ITGA11: variants seen among roughly 807,000 people sequenced by gnomAD.
ITGA11 encodes integrin alpha-11.
A neutral mutation model predicts 141.9 loss-of-function variants in ITGA11; 97 were observed. The ratio of observed to expected loss-of-function variants is 0.68; its 90% confidence interval spans 0.58 to 0.81. ITGA11 has a LOEUF of 0.81. Among genes scored for constraint, ITGA11 ranks in the 30% least tolerant of loss-of-function variants. The pLI is 0.00. For synonymous variants in ITGA11, 658 were observed against 624.6 expected, an observed-to-expected ratio of 1.05 and a Z score of -0.80; for missense variants, 1,387 against 1,559.2, an observed-to-expected ratio of 0.89 and a Z score of 1.86.
At chr15:68,344,757 A>G (rs1358300367) in intron 10 of ITGA11, among the ~76,000 whole-genome samples, 1 of 152,130 alleles carries the variant, frequency 6.6e-6, no homozygotes, top group Non-Finnish European at 1.5e-5. Context: ...TTAGGTCATC[A>G]CGTGCAGGGT....
chr15:68,399,580 G>A (rs1476496254), intron 2 of ITGA11, among the ~76,000 whole-genome samples: 1 of 152,038 alleles, frequency 6.6e-6, no homozygotes, highest in Non-Finnish European at 1.5e-5. Context: ...ATGGTGGATT[G>A]GATAAAGAAA....
At chr15:68,329,086 C>T (rs1894074618) in intron 15 of ITGA11, among the ~76,000 whole-genome samples, 1 of 152,198 alleles carries the variant, frequency 6.6e-6, no homozygotes, top group Non-Finnish European at 1.5e-5. Context: ...CTCTGTTCTT[C>T]TTAGCATAAA....
At position 68,300,435 on chromosome 15, in the gene ITGA11, T is replaced by C. The variant is rs1407468446; in HGVS notation, c.*2624A>G. The C allele has an allele frequency of 6.6e-6, 1 of 152,254 alleles. No individual in the cohort carries two copies. Among genetic ancestry groups the C allele is most frequent in the African/African-American group, 2.4e-5 (1 of 41,464 alleles). The allele number at this position is 152,254 out of a possible 1,614,324, so 9.4% of individuals were successfully genotyped here. A position where few individuals can be genotyped will look rare whatever the true frequency, so the allele number is the denominator to read the frequency against. ...CAATGAAATTGGGATCCATAGTGGG[T>C]AGGGCCCTTGCAGTGGTCACTTTTA... is the stretch of plus-strand genomic sequence containing the variant. On this transcript the variant is annotated 3_prime_UTR_variant, in exon 30 of 30. Transcript: ENST00000315757.
rs1893890894 is a variant in ITGA11, at chr15:68,324,024, T to C, written c.2322+1107A>G. On this transcript the variant is annotated intron_variant, in intron 18 of 29. Transcript: ENST00000315757. This position sits in a 1 kb window ranked among gnomAD's most constrained non-coding sequence, Gnocchi z 6.3. ...TACTCATTCATTTGCCATAGTGACT[T>C]TGTAATTACTGCGAGAGGACAAAAA... Among the ~76,000 whole-genome samples the C allele has an allele frequency of 6.6e-6, 1 of 152,198 alleles. No individual in the cohort carries two copies. The highest frequency in any genetic ancestry group is 1.5e-5 in the Non-Finnish European group (1 of 68,032).
chr15:68,381,608 T>C (rs1895863307), intron 2 of ITGA11, among the ~76,000 whole-genome samples: 1 of 151,812 alleles, frequency 6.6e-6, no homozygotes, highest in Non-Finnish European at 1.5e-5. Context: ...CAGGCTGAAG[T>C]GCAGTGGCAT....
chr15:68,362,024 C>G (rs187757425), intron 4 of ITGA11: 49 of 266,636 alleles, frequency 1.8e-4, no homozygotes, highest in Middle Eastern at 2.7e-3. Flanking sequence ...ACCCACCCAC[C>G]ATACGGGATC....
At chr15:68,388,272 T>C (rs1007617) in intron 2 of ITGA11, among the ~76,000 whole-genome samples, 15,995 of 152,192 alleles carry the variant, frequency 0.11, 1,952 homozygotes, top group African/African-American at 0.3. Context: ...ATCTCAAGCA[T>C]GCTCCTACTT....
intron 7 of ITGA11, 66 bp downstream of exon 7, chr15:68,357,085 G>T: frequency 1.4e-6 from 2 of 1,435,382 alleles, no homozygotes; most frequent in Non-Finnish European, 1.9e-6. Context: ...TGTGTTACAA[G>T]GCAATAGATA....
At chr15:68,418,823 G>T (rs1896951003) in intron 1 of ITGA11, among the ~76,000 whole-genome samples, 1 of 151,538 alleles carries the variant, frequency 6.6e-6, no homozygotes, top group Non-Finnish European at 1.5e-5. Flanking sequence ...CTTGTCTCCT[G>T]CTTGTCATGG....
At chr15:68,428,087 A>AC (rs1897186902) in intron 1 of ITGA11, among the ~76,000 whole-genome samples, 1 of 152,010 alleles carries the variant, frequency 6.6e-6, no homozygotes, top group African/African-American at 2.4e-5. Flanking sequence ...TTCGACTTTG[A>AC]CCCCCAAAGT....
chr15:68,344,157 C>T (rs1894662784), intron 10 of ITGA11, among the ~76,000 whole-genome samples: 2 of 152,124 alleles, frequency 1.3e-5, no homozygotes, highest in South Asian at 2.1e-4. Flanking sequence ...GGAGACAACT[C>T]GCAAACCCTT....
At chr15:68,410,513 A>G (rs1217911884) in intron 1 of ITGA11, among the ~76,000 whole-genome samples, 1 of 151,916 alleles carries the variant, frequency 6.6e-6, no homozygotes, top group East Asian at 1.9e-4. Flanking sequence ...GGCAAAGTGA[A>G]CCTCTTGCTG....
chr15:68,384,663 T>G (rs1351644708), intron 2 of ITGA11, among the ~76,000 whole-genome samples: 1 of 152,124 alleles, frequency 6.6e-6, no homozygotes, highest in Admixed American at 6.5e-5. Context: ...TCTCGTGCAC[T>G]GGGTGGTTCA....
intron 2 of ITGA11, among the ~76,000 whole-genome samples, chr15:68,381,719 C>T (rs1386269937): frequency 6.6e-6 from 1 of 152,176 alleles, no homozygotes; most frequent in African/African-American, 2.4e-5. Flanking sequence ...CCATGCCCAA[C>T]TAAATTTTGT....
rs535132332 is a variant in ITGA11 at position 68,308,513 on chromosome 15, A to G, written c.3175-817T>C. On this transcript the variant is annotated intron_variant, in intron 26 of 29. Transcript: ENST00000315757. This position sits in a 1 kb window ranked among gnomAD's most constrained non-coding sequence, Gnocchi z 5.2. ...TCTCAGCACTTTGGGAGGCCAAGGC[A>G]GGCGGATCACAAGGTCAGGAGATCG... is the stretch of plus-strand genomic sequence containing the variant. Among the ~76,000 whole-genome samples, 5 of 152,252 alleles carry G rather than the reference A, an allele frequency of 3.3e-5. No homozygotes were observed. Among genetic ancestry groups the G allele is most frequent in the South Asian group, 2.1e-4 (1 of 4,822 alleles).
At chr15:68,364,026 G>A (rs923849710) in intron 4 of ITGA11, among the ~76,000 whole-genome samples, 2 of 152,192 alleles carry the variant, frequency 1.3e-5, no homozygotes, top group Non-Finnish European at 2.9e-5. Flanking sequence ...GCCCAGCACT[G>A]GGCTTAGCAC....
chr15:68,430,070 G>A (rs1897234750), intron 1 of ITGA11, among the ~76,000 whole-genome samples: 1 of 152,142 alleles, frequency 6.6e-6, no homozygotes, highest in Non-Finnish European at 1.5e-5. Flanking sequence ...CCAGCTCCTT[G>A]CAAGCAGATG....
Position 68,299,184 on chromosome 15 carries a change from T to G in ITGA11, c.*3875A>C, listed in dbSNP as rs1255508272. ...TTAGCATACATCTTATTGAAAAGTT[T>G]TAGTGTCCAGGTGCAAGGCTTACAA... On this transcript the variant is annotated 3_prime_UTR_variant, in exon 30 of 30. Transcript: ENST00000315757. 1 of 152,202 alleles carries G rather than the reference T, an allele frequency of 6.6e-6. No homozygotes were observed. Among genetic ancestry groups the G allele is most frequent in the Non-Finnish European group, 1.5e-5 (1 of 68,038 alleles). The allele number at this position is 152,202 out of a possible 1,614,324, so 9.4% of individuals were successfully genotyped here.
chr15:68,363,016 G>A (rs1487079474), intron 4 of ITGA11, among the ~76,000 whole-genome samples: 2 of 152,112 alleles, frequency 1.3e-5, no homozygotes, highest in East Asian at 3.9e-4. Flanking sequence ...TGGATGGATG[G>A]ATGATGAATT....
Sources: allele counts gnomAD v4.1 joint callset (sites outside exome capture counted in the v4.1 genomes callset), GRCh38; gene constraint gnomAD v4.1.1; non-coding constraint Gnocchi (gnomAD v3.1); transcripts MANE v1.5; gene names NCBI Gene and HGNC (gene_info 2026-07-23, HGNC 2026-07-21).